The following ARRB1 variants were observed in gnomAD, a reference collection of about 807,000 sequenced individuals.
ARRB1 encodes the protein arrestin beta 1, also known as beta-arrestin-1.
A neutral mutation model predicts 56.8 loss-of-function variants in ARRB1; 21 were observed. That is an observed-to-expected ratio of 0.37 (90% CI 0.26 to 0.53). The LOEUF is 0.53. Ranked by LOEUF, ARRB1 falls within the 20% of genes least tolerant of loss-of-function variation. ARRB1 has a pLI of 0.88. For synonymous variants in ARRB1, 210 were observed against 218.6 expected (o/e 0.96, Z 0.35); for missense variants, 424 against 553.7 (o/e 0.77, Z 2.35).
chr11:75,298,990 G>T (rs1278582202), intron 1 of ARRB1, among the ~76,000 whole-genome samples: 1 of 151,650 alleles, frequency 6.6e-6, no homozygotes, highest in Non-Finnish European at 1.5e-5. Flanking sequence ...CATATTATAT[G>T]ATTCCACTTG....
chr11:75,276,261 G>T (rs1946199195), intron 10 of ARRB1, among the ~76,000 whole-genome samples: 1 of 152,118 alleles, frequency 6.6e-6, no homozygotes, highest in South Asian at 2.1e-4. Flanking sequence ...ACTTCCTTTA[G>T]GTAAGTAAAG....
intron 13 of ARRB1, among the ~76,000 whole-genome samples, chr11:75,270,209 A>G (rs1946045438): frequency 6.6e-6 from 1 of 152,232 alleles, no homozygotes; most frequent in African/African-American, 2.4e-5. Context: ...GACCAGGCGC[A>G]GTGGCTCACG....
rs144739789 is a variant in ARRB1 at position 75,324,562 on chromosome 11, C to G, written c.20+27026G>C. ...AATGAACATCCTACCCAAAGAAGCC[C>G]TCCCTGATCACCGTTGCCGAGCCCT... On this transcript the variant is annotated intron_variant, in intron 1 of 15. Transcript: ENST00000420843. Among the ~76,000 whole-genome samples, 444 of 152,236 alleles carry G rather than the reference C, an allele frequency of 2.9e-3. 1 individual carries two copies. Among genetic ancestry groups the G allele is most frequent in the African/African-American group, 0.01 (424 of 41,540 alleles).
At chr11:75,314,875 A>G (rs538954321) in intron 1 of ARRB1, among the ~76,000 whole-genome samples, 45 of 152,174 alleles carry the variant, frequency 3.0e-4, no homozygotes, top group African/African-American at 4.8e-4. Flanking sequence ...CCAAAGTGCT[A>G]GGATTACAGG....
chr11:75,267,557 T>A, intron 15 of ARRB1, 95 bp downstream of exon 15: 1 of 1,285,976 alleles, frequency 7.8e-7, no homozygotes, highest in Non-Finnish European at 1.1e-6. Context: ...GACCAGCGGC[T>A]CCTCAGGAGT....
chr11:75,311,416 C>A (rs568177195), intron 1 of ARRB1, among the ~76,000 whole-genome samples: 78 of 152,278 alleles, frequency 5.1e-4, no homozygotes, highest in African/African-American at 1.8e-3. Context: ...CTGGGATGGG[C>A]AGGGGGCTGT....
At chr11:75,275,123 ATTTATTTTAT>A (rs71036039) in intron 10 of ARRB1, among the ~76,000 whole-genome samples, 43 of 138,034 alleles carry the variant, frequency 3.1e-4, no homozygotes, top group African/African-American at 1.0e-3. Flanking sequence ...TTTAATTTAA[ATTTATTTTAT>A]TTTATTTTAT....
chr11:75,320,621 ATG>A (rs1947333406), intron 1 of ARRB1, among the ~76,000 whole-genome samples: 1 of 152,148 alleles, frequency 6.6e-6, no homozygotes, highest in Admixed American at 6.5e-5. Flanking sequence ...TGGGCTCCAC[ATG>A]GTAACTCCGA....
intron 10 of ARRB1, among the ~76,000 whole-genome samples, chr11:75,275,444 C>A (rs1946182009): frequency 6.6e-6 from 1 of 152,134 alleles, no homozygotes; most frequent in Non-Finnish European, 1.5e-5. Flanking sequence ...CCAGCCCTGT[C>A]TCTAAACACA....
chr11:75,264,713 T>C lies in ARRB1; in HGVS notation c.*1450A>G, dbSNP rs986164600. 3 of 152,198 alleles carry C rather than the reference T, an allele frequency of 2.0e-5. No homozygotes were observed. Among genetic ancestry groups the C allele is most frequent in the Admixed American group, 2.0e-4 (3 of 15,286 alleles). 9.4% of individuals were successfully genotyped at this position (152,198 alleles called of 1,614,324 possible). ...AGCTCTAATGTTCACAAATTCTTGG[T>C]GGCCAGAGCTAGGAAGGCCCATTGT... is the stretch of plus-strand genomic sequence containing the variant. On this transcript the variant is annotated 3_prime_UTR_variant, in exon 16 of 16. Transcript: ENST00000420843.
intron 1 of ARRB1, among the ~76,000 whole-genome samples, chr11:75,335,371 GC>G (rs1303686998): frequency 6.6e-6 from 1 of 152,150 alleles, no homozygotes; most frequent in Non-Finnish European, 1.5e-5. Flanking sequence ...GATTGCTCGA[GC>G]CCAGGAGTTC....
intron 1 of ARRB1, among the ~76,000 whole-genome samples, chr11:75,314,601 C>T (rs1947229326): frequency 6.6e-6 from 1 of 150,934 alleles, no homozygotes; most frequent in South Asian, 2.1e-4. Context: ...TCGTCTCTAA[C>T]AACAGCACGT....
chr11:75,271,613 C>T (rs956207739), intron 13 of ARRB1, 88 bp downstream of exon 13: 6 of 1,395,906 alleles, frequency 4.3e-6, no homozygotes, highest in African/African-American at 2.9e-5. Context: ...TCCTTCCAAC[C>T]CAGTGCCCTG....
chr11:75,327,126 C>T (rs1389448521), intron 1 of ARRB1, among the ~76,000 whole-genome samples: 1 of 151,626 alleles, frequency 6.6e-6, no homozygotes, highest in Non-Finnish European at 1.5e-5. Context: ...CACGGTGAAA[C>T]CCTGTCTCTA....
intron 10 of ARRB1, among the ~76,000 whole-genome samples, chr11:75,275,694 A>G (rs1946187124): frequency 6.6e-6 from 1 of 152,228 alleles, no homozygotes; most frequent in Admixed American, 6.5e-5. Context: ...ACCGTGTTCC[A>G]GCCCCAGCTT....
intron 1 of ARRB1, among the ~76,000 whole-genome samples, chr11:75,327,301 C>CAA (rs777940901): frequency 0.015 from 899 of 58,876 alleles, 30 homozygotes; most frequent in Middle Eastern, 0.064. Flanking sequence ...AACTCCATCT[C>CAA]AAAAAAAAAA....
intron 1 of ARRB1, chr11:75,311,985 G>C: frequency 1.6e-6 from 2 of 1,255,982 alleles, no homozygotes; most frequent in Non-Finnish European, 2.1e-6. Context: ...CGAGGGGCTG[G>C]GAAAAAGCTG....
chr11:75,272,698 G>A, intron 12 of ARRB1, 197 bp downstream of exon 12: 1 of 583,636 alleles, frequency 1.7e-6, no homozygotes, highest in South Asian at 2.0e-5. Context: ...GGGGCTGAGG[G>A]CCAAGGAAGG....
chr11:75,308,166 G>C (rs1323845167), intron 1 of ARRB1, among the ~76,000 whole-genome samples: 1 of 152,228 alleles, frequency 6.6e-6, no homozygotes, highest in African/African-American at 2.4e-5. Flanking sequence ...GGCAGCTCCA[G>C]GGAACTGCTA....
Sources: allele counts gnomAD v4.1 joint callset (sites outside exome capture counted in the v4.1 genomes callset), GRCh38; gene constraint gnomAD v4.1.1; transcripts MANE v1.5; gene names NCBI Gene and HGNC (gene_info 2026-07-23, HGNC 2026-07-21).